Variants in GLI2 observed in about 807,000 individuals in gnomAD.
The protein encoded by GLI2 is GLI family zinc finger 2, also known as transcription activator GLI2.
Under a neutral mutation model 78.9 loss-of-function variants are expected in GLI2, and 22 were observed. That is an observed-to-expected ratio of 0.28 (90% CI 0.20 to 0.40). The LOEUF (loss-of-function observed/expected upper bound fraction) is 0.40, where lower values mean the gene tolerates loss of function less well. Ranked by LOEUF, GLI2 falls within the 10% of genes least tolerant of loss-of-function variation. GLI2 has a pLI of 1.00. For synonymous variants in GLI2, 974 were observed against 963.7 expected, an observed-to-expected ratio of 1.01 and a Z score of -0.20; for missense variants, 2,097 against 2,213.2, an observed-to-expected ratio of 0.95 and a Z score of 1.05.
intron 2 of GLI2, among the ~76,000 whole-genome samples, chr2:120,874,291 G>A (rs2104686775): frequency 6.6e-6 from 1 of 152,306 alleles, no homozygotes; most frequent in African/African-American, 2.4e-5. Context: ...TGGGTGTTAT[G>A]AAACTTTATT....
chr2:120,870,848 A>G (rs558125730), intron 2 of GLI2, among the ~76,000 whole-genome samples: 3 of 152,270 alleles, frequency 2.0e-5, no homozygotes, highest in African/African-American at 7.2e-5. Context: ...AATACATGCA[A>G]CCTGCATGCC....
At chr2:120,787,639 C>T (rs564769643) in intron 1 of GLI2, among the ~76,000 whole-genome samples, 31 of 152,330 alleles carry the variant, frequency 2.0e-4, no homozygotes, top group Admixed American at 1.2e-3. Context: ...TCAGGAATCG[C>T]GCTTCAGGAA....
chr2:120,863,165 A>G lies in GLI2; in HGVS notation c.149-64196A>G, dbSNP rs116439684. On this transcript the variant is annotated intron_variant, in intron 2 of 13. Coordinates refer to ENST00000361492, the MANE Select transcript of GLI2 (RefSeq NM_001374353.1). ...AGACCAATGAGAGGACAACATGCCT[A>G]CTGATGGATTAACAGGAGTTTCTGG... Among the ~76,000 whole-genome samples, 994 of 152,350 alleles carry G rather than the reference A, an allele frequency of 6.5e-3. 11 individuals carry two copies. Among genetic ancestry groups the G allele is most frequent in the African/African-American group, 0.022 (934 of 41,584 alleles).
chr2:120,745,244 C>T (rs1189056792), intron 1 of GLI2, among the ~76,000 whole-genome samples: 9 of 152,182 alleles, frequency 5.9e-5, no homozygotes, highest in Non-Finnish European at 1.3e-4. Context: ...CCCTGGGATG[C>T]CTCCTTTCTT....
At chr2:120,815,615 C>A (rs4848122) in intron 2 of GLI2, among the ~76,000 whole-genome samples, 1 of 152,094 alleles carries the variant, frequency 6.6e-6, no homozygotes. Flanking sequence ...GCACCTCTGA[C>A]GGTGCTCCCT....
chr2:120,930,451 C>T (rs1428568059), intron 3 of GLI2, among the ~76,000 whole-genome samples: 3 of 152,354 alleles, frequency 2.0e-5, no homozygotes, highest in Admixed American at 6.5e-5. Flanking sequence ...GCCCCCTGAG[C>T]TCAGGCCCTC....
At chr2:120,866,639 C>T (rs1396890468) in intron 2 of GLI2, 2 of 151,964 alleles carry the variant, frequency 1.3e-5, no homozygotes, top group Non-Finnish European at 2.9e-5. Context: ...GCACATGGCA[C>T]CTGGCAGACA....
At chr2:120,967,787 C>T (rs569335517) in intron 5 of GLI2, among the ~76,000 whole-genome samples, 77 of 152,358 alleles carry the variant, frequency 5.1e-4, no homozygotes, top group Admixed American at 2.1e-3. Context: ...CCCAGAGCCT[C>T]GGGCGACTTT....
intron 1 of GLI2, among the ~76,000 whole-genome samples, chr2:120,794,913 C>G (rs1196377822): frequency 6.6e-6 from 1 of 152,088 alleles, no homozygotes; most frequent in Non-Finnish European, 1.5e-5. Context: ...GCTTTCTGGG[C>G]AGGGAGTTTT....
rs760171656 is a variant in GLI2 at position 120,968,733 on chromosome 2, G to A, written c.663G>A (p.Pro221=). The change falls in exon 6 of 14, where the codon CCG becomes CCA. Residue 221 remains proline (P), a synonymous_variant. Coordinates refer to ENST00000361492, the MANE Select transcript of GLI2 (RefSeq NM_001374353.1). ...CCACAGTGTCCCGTTTCTCCAGCCC[G>A]CGGGTGACGCCCCGCCTGAGCCGCA... ...NPVDVSRFSS[P]RVTPRLSRKR... 18 of 1,610,622 alleles carry A rather than the reference G, an allele frequency of 1.1e-5. 1 individual carries two copies. Among genetic ancestry groups the A allele is most frequent in the African/African-American group, 5.4e-5 (4 of 74,488 alleles).
At chr2:120,932,507 A>T (rs1194498769) in intron 3 of GLI2, among the ~76,000 whole-genome samples, 1 of 152,148 alleles carries the variant, frequency 6.6e-6, no homozygotes, top group Admixed American at 6.5e-5. Context: ...ATCACCCAAG[A>T]GCCTGCCATT....
At chr2:120,827,489 G>T (rs1686136844) in intron 2 of GLI2, among the ~76,000 whole-genome samples, 1 of 152,220 alleles carries the variant, frequency 6.6e-6, no homozygotes, top group African/African-American at 2.4e-5. Flanking sequence ...GAGTTCCTTG[G>T]AAAATGAAAC....
intron 3 of GLI2, among the ~76,000 whole-genome samples, chr2:120,946,648 TG>T (rs2104935576): frequency 6.6e-6 from 1 of 152,204 alleles, no homozygotes; most frequent in African/African-American, 2.4e-5. Flanking sequence ...CAGCCTGAAG[TG>T]GTGGTTCAGA....
At chr2:120,973,081 TC>T (rs1442906695) in intron 8 of GLI2, among the ~76,000 whole-genome samples, 2 of 152,132 alleles carry the variant, frequency 1.3e-5, no homozygotes, top group Non-Finnish European at 2.9e-5. Flanking sequence ...CTGCCGAGCA[TC>T]CTTTATCAAA....
In GLI2 at chr2:120,817,134, T is replaced by C. The variant is rs543670158; in HGVS notation, c.148+19666T>C. Among the ~76,000 whole-genome samples the C allele has an allele frequency of 3.3e-5, 5 of 152,352 alleles. No individual in the cohort carries two copies. The South Asian group carries it at 8.3e-4, about 25-fold the overall frequency. ...TGAGGTTTTAGGATTATTATGAAAA[T>C]GTGACTTTGCCCATCTCTTGAGAGG... On this transcript the variant is annotated intron_variant, in intron 2 of 13. Transcript: ENST00000361492.
intron 2 of GLI2, among the ~76,000 whole-genome samples, chr2:120,827,279 C>A (rs1686118577): frequency 6.6e-6 from 1 of 152,210 alleles, no homozygotes; most frequent in Non-Finnish European, 1.5e-5. Flanking sequence ...CCCGGCGTCT[C>A]TAAGTAGTGC....
At chr2:120,931,400 C>G (rs575910658) in intron 3 of GLI2, among the ~76,000 whole-genome samples, 5 of 152,360 alleles carry the variant, frequency 3.3e-5, no homozygotes, top group Admixed American at 3.3e-4. Flanking sequence ...TTCGGGCCTA[C>G]TGGGATAATC....
At chr2:120,747,841 C>T (rs1682738330) in intron 1 of GLI2, among the ~76,000 whole-genome samples, 1 of 152,220 alleles carries the variant, frequency 6.6e-6, no homozygotes, top group Non-Finnish European at 1.5e-5. Flanking sequence ...AAACCTAGTT[C>T]TCACACCAGG....
intron 2 of GLI2, among the ~76,000 whole-genome samples, chr2:120,926,727 C>T (rs747289487): frequency 2.0e-5 from 3 of 152,218 alleles, no homozygotes; most frequent in Middle Eastern, 3.2e-3. Flanking sequence ...CTGACACGCA[C>T]GTGCTGGCGT....
Sources: gnomAD v4.1 joint callset for allele counts (sites outside exome capture counted in the v4.1 genomes callset) on GRCh38, gnomAD v4.1.1 for gene constraint, MANE v1.5 for transcripts, NCBI Gene and HGNC (gene_info 2026-07-23, HGNC 2026-07-21) for gene names.